Variants in APBA1 observed in about 807,000 individuals in gnomAD.
The protein encoded by APBA1 is amyloid-beta A4 precursor protein-binding family A member 1.
A neutral mutation model predicts 86.6 loss-of-function variants in APBA1; 55 were observed. The ratio of observed to expected loss-of-function variants is 0.64; its 90% CI spans 0.51 to 0.80. The LOEUF is 0.80. Among genes scored for constraint, APBA1 ranks in the 30% least tolerant of loss-of-function variants. The probability of loss-of-function intolerance (pLI) is 0.00; values close to 1 mark genes in which losing one functional copy is unlikely to be tolerated. For synonymous variants in APBA1, 511 were observed against 493.9 expected, an observed-to-expected ratio of 1.03 and a Z score of -0.46; for missense variants, 1,090 against 1,183.0, an observed-to-expected ratio of 0.92 and a Z score of 1.15.
chr9:69,664,793 T>C (rs577036356), intron 1 of APBA1, among the ~76,000 whole-genome samples: 16 of 152,330 alleles, frequency 1.1e-4, no homozygotes, highest in South Asian at 2.1e-4. Context: ...TGAGCATATA[T>C]AGTACTCTGC....
chr9:69,446,944 A>G (rs1317723866), intron 10 of APBA1, among the ~76,000 whole-genome samples: 4 of 152,188 alleles, frequency 2.6e-5, no homozygotes, highest in Admixed American at 6.5e-5. Flanking sequence ...CTGCCATGAC[A>G]AAGTACCACA....
At chr9:69,562,168 T>G (rs1836956396) in intron 1 of APBA1, among the ~76,000 whole-genome samples, 1 of 152,176 alleles carries the variant, frequency 6.6e-6, no homozygotes, top group South Asian at 2.1e-4. Flanking sequence ...TTATACAACG[T>G]ATACGTGTAA....
intron 2 of APBA1, among the ~76,000 whole-genome samples, chr9:69,492,327 CG>C (rs1441001304): frequency 2.0e-5 from 3 of 152,042 alleles, no homozygotes; most frequent in Non-Finnish European, 4.4e-5. Flanking sequence ...GCCTGGGCAC[CG>C]GCAAAGCATT....
intron 1 of APBA1, among the ~76,000 whole-genome samples, chr9:69,626,810 A>G (rs1234982713): frequency 6.6e-6 from 1 of 152,058 alleles, no homozygotes; most frequent in Non-Finnish European, 1.5e-5. Context: ...AGCCAATGGC[A>G]TCTTGGCCCA....
Position 69,499,016 on chromosome 9 carries a change from C to G in APBA1, c.1200+16995G>C, listed in dbSNP as rs371667045. 2.0e-5 allele frequency among the ~76,000 whole-genome samples: 3 copies of G among 152,064 alleles called. No individual in the cohort carries two copies. The East Asian group carries it at 5.8e-4, about 29-fold the overall frequency. ...CACACTGGGTTCCATTTCTGCTGTC[C>G]CAGCAGCGGGTCCTTTGGTTCTAAG... On this transcript the variant is annotated intron_variant, in intron 2 of 12. Transcript: ENST00000265381.
In APBA1 at chr9:69,599,788, A is replaced by C. The variant is rs535140201; in HGVS notation, c.-70+72365T>G. On this transcript the variant is annotated intron_variant, in intron 1 of 12. Coordinates refer to ENST00000265381, the MANE Select transcript of APBA1 (RefSeq NM_001163.4). ...CTTCTAGAGGATTCCGATGCAGACT[A>C]AAGTGTGAGAACCACTACTCTAAGG... Among the ~76,000 whole-genome samples the C allele has an allele frequency of 7.2e-5, 11 of 152,330 alleles. No individual in the cohort carries two copies. In the South Asian group the frequency reaches 1.7e-3, roughly 23 times the overall value.
chr9:69,496,233 G>C (rs1412258797), intron 2 of APBA1, among the ~76,000 whole-genome samples: 1 of 152,126 alleles, frequency 6.6e-6, no homozygotes, highest in Admixed American at 6.5e-5. Flanking sequence ...GCCTCTCAGT[G>C]ATCTGTGGCG....
chr9:69,534,753 G>A (rs1836483395), intron 1 of APBA1, among the ~76,000 whole-genome samples: 1 of 151,950 alleles, frequency 6.6e-6, no homozygotes, highest in South Asian at 2.1e-4. Flanking sequence ...TCTCTTCTAG[G>A]GGCTCTTCTA....
chr9:69,651,857 T>A (rs1823509589), intron 1 of APBA1, among the ~76,000 whole-genome samples: 2 of 152,182 alleles, frequency 1.3e-5, no homozygotes, highest in Admixed American at 6.5e-5. Flanking sequence ...TCCACCCACA[T>A]ACACACCAAA....
At chr9:69,436,488 C>T (rs1291233195) in intron 11 of APBA1, among the ~76,000 whole-genome samples, 7 of 151,756 alleles carry the variant, frequency 4.6e-5, no homozygotes, top group Non-Finnish European at 1.0e-4. Context: ...TTGAAGAGGT[C>T]CTTCACATCC....
chr9:69,442,693 C>G (rs138841938), intron 10 of APBA1, among the ~76,000 whole-genome samples: 3 of 152,216 alleles, frequency 2.0e-5, no homozygotes, highest in Admixed American at 6.5e-5. Flanking sequence ...GAAAAGCATG[C>G]ATGAAGGGTG....
intron 1 of APBA1, among the ~76,000 whole-genome samples, chr9:69,590,943 G>C (rs1236394723): frequency 2.6e-5 from 4 of 152,206 alleles, no homozygotes; most frequent in Non-Finnish European, 5.9e-5. Flanking sequence ...GCTTTCTGCT[G>C]AAAGTTTTCT....
chr9:69,567,572 C>A (rs182745259), intron 1 of APBA1, among the ~76,000 whole-genome samples: 56 of 152,176 alleles, frequency 3.7e-4, no homozygotes, highest in Middle Eastern at 3.4e-3. Context: ...ATCCCTCCCC[C>A]CTCCACAACC....
chr9:69,609,910 C>T (rs76667758), intron 1 of APBA1, among the ~76,000 whole-genome samples: 7,342 of 152,184 alleles, frequency 0.048, 375 homozygotes, highest in African/African-American at 0.12. Flanking sequence ...GTGATTCTCC[C>T]GCCCTGGTCT....
chr9:69,641,137 T>C (rs1454042562), intron 1 of APBA1, among the ~76,000 whole-genome samples: 6 of 151,958 alleles, frequency 3.9e-5, no homozygotes, highest in Non-Finnish European at 5.9e-5. Context: ...CGTCAATATA[T>C]GAAATGCAAT....
chr9:69,628,453 A>T (rs1822975104), intron 1 of APBA1, among the ~76,000 whole-genome samples: 1 of 152,204 alleles, frequency 6.6e-6, no homozygotes, highest in Non-Finnish European at 1.5e-5. Context: ...TCTAATTTAA[A>T]CTGCCCATCC....
intron 10 of APBA1, among the ~76,000 whole-genome samples, chr9:69,443,512 A>G (rs1259384378): frequency 1.3e-5 from 2 of 152,114 alleles, no homozygotes; most frequent in African/African-American, 4.8e-5. Flanking sequence ...AGCCATCTGC[A>G]TGTCTATGTC....
chr9:69,611,304 A>AC (rs397786144), intron 1 of APBA1, among the ~76,000 whole-genome samples: 4 of 141,718 alleles, frequency 2.8e-5, no homozygotes, highest in African/African-American at 8.1e-5. Context: ...AAAAAAAAAA[A>AC]CAAAAAAAAA....
chr9:69,620,133 C>A (rs1356893559), intron 1 of APBA1, among the ~76,000 whole-genome samples: 1 of 152,180 alleles, frequency 6.6e-6, no homozygotes, highest in Non-Finnish European at 1.5e-5. Context: ...CCTCCCTCAC[C>A]ACGTTAGATC....
Sources: gnomAD v4.1 joint callset for allele counts (sites outside exome capture counted in the v4.1 genomes callset) on GRCh38, gnomAD v4.1.1 for gene constraint, MANE v1.5 for transcripts, NCBI Gene and HGNC (gene_info 2026-07-23, HGNC 2026-07-21) for gene names.